ANKRD18B: variants seen among roughly 807,000 people sequenced by gnomAD.
The protein encoded by ANKRD18B is ankyrin repeat domain 18B, also known as ankyrin repeat domain-containing protein 18B.
In ANKRD18B, 75 loss-of-function variants were observed where a neutral mutation model predicts 111.8. The ratio of observed to expected loss-of-function variants is 0.67; its 90% CI spans 0.56 to 0.81. The LOEUF is 0.81. Ranked by LOEUF, ANKRD18B falls within the 40% of genes least tolerant of loss-of-function variation. ANKRD18B has a pLI of 0.00. For missense variants in ANKRD18B, 1,038 were observed against 1,225.5 expected (o/e 0.85, Z 2.28); for synonymous variants, 356 against 417.3 (o/e 0.85, Z 1.79).
At chr9:33,570,293 A>C (rs1828750631) in intron 17 of ANKRD18B, among the ~76,000 whole-genome samples, 2 of 152,204 alleles carry the variant, frequency 1.3e-5, no homozygotes, top group South Asian at 4.1e-4. Flanking sequence ...CCAGGAAATA[A>C]GAATGGGGAG....
chr9:33,552,783 G>A (rs1325920885), intron 12 of ANKRD18B, among the ~76,000 whole-genome samples: 2 of 150,460 alleles, frequency 1.3e-5, no homozygotes, highest in Non-Finnish European at 3.0e-5. Context: ...AGCAAATATT[G>A]TCTGTAGCTC....
chr9:33,556,836 C>T (rs1199884115), intron 13 of ANKRD18B, among the ~76,000 whole-genome samples: 1 of 152,152 alleles, frequency 6.6e-6, no homozygotes, highest in Non-Finnish European at 1.5e-5. Context: ...GAAATTTACT[C>T]ATTTTACATG....
At chr9:33,564,256 C>A (rs1341973561) in intron 14 of ANKRD18B, among the ~76,000 whole-genome samples, 2 of 152,138 alleles carry the variant, frequency 1.3e-5, no homozygotes, top group African/African-American at 4.8e-5. Context: ...GCCATGTTGC[C>A]CAGCCCTCAA....
intron 11 of ANKRD18B, 105 bp downstream of exon 11, chr9:33,548,960 G>T: frequency 2.6e-6 from 3 of 1,138,354 alleles, no homozygotes; most frequent in Non-Finnish European, 3.6e-6. Flanking sequence ...ATGAAAATGT[G>T]TTTACCATTC....
intron 1 of ANKRD18B, among the ~76,000 whole-genome samples, chr9:33,527,803 T>A (rs1828048295): frequency 6.6e-6 from 1 of 152,160 alleles, no homozygotes; most frequent in African/African-American, 2.4e-5. Flanking sequence ...CCTCATGGAT[T>A]GTGTGATATC....
In ANKRD18B at chr9:33,564,431, G is replaced by T. The variant is rs544699027; in HGVS notation, c.2461-1788G>T. On this transcript the variant is annotated intron_variant, in intron 14 of 18. Transcript: ENST00000684830. ...TGTGTATGTGTACCACAATTTTTTT[G>T]TCCATTCATTTGTTGATGGACATGT... Among the ~76,000 whole-genome samples, 147 of 152,168 alleles carry T rather than the reference G, an allele frequency of 9.7e-4. 1 individual carries two copies. Among genetic ancestry groups the T allele is most frequent in the Admixed American group, 2.1e-3 (32 of 15,290 alleles).
Position 33,566,312 on chromosome 9 carries a change from A to G in ANKRD18B, c.2554A>G (p.Met852Val), listed in dbSNP as rs373114045. 1.9e-5 allele frequency: 30 copies of G among 1,562,682 alleles called. No homozygotes were observed. The highest frequency in any genetic ancestry group is 3.8e-5 in the Admixed American group (2 of 53,186). The change falls in exon 15 of 19, where the codon ATG becomes GTG. Residue 852 changes from methionine (M) to valine (V), a missense_variant. Met to Val is a conservative substitution (Grantham distance 21). Coordinates refer to ENST00000684830, the MANE Select transcript of ANKRD18B (RefSeq NM_001393611.1). ...AGTTCTTCATCAGGAGTTATTATCTATGGGAAAAGTACAAGAGAAATGTGA... is the reference window on the plus strand; with the variant it reads ...AGTTCTTCATCAGGAGTTATTATCTGTGGGAAAAGTACAAGAGAAATGTGA... ...NEVLHQELLS[M>V]GKVQEKCEKL... is the part of the protein sequence containing the mutation.
intron 10 of ANKRD18B, among the ~76,000 whole-genome samples, chr9:33,545,215 A>T (rs1375291877): frequency 1.3e-5 from 2 of 152,216 alleles, no homozygotes; most frequent in Admixed American, 6.5e-5. Context: ...TCTCACAGAG[A>T]TGAAGAAGAA....
intron 10 of ANKRD18B, among the ~76,000 whole-genome samples, chr9:33,545,876 A>G (rs931595581): frequency 6.6e-6 from 1 of 152,170 alleles, no homozygotes; most frequent in African/African-American, 2.4e-5. Flanking sequence ...GTATAGTTAC[A>G]GTGGGGTTAT....
chr9:33,548,448 T>C lies in ANKRD18B; in HGVS notation c.1660T>C (p.Phe554Leu), dbSNP rs1468910550. 6.4e-7 allele frequency: 1 copy of C among 1,551,234 alleles called. No individual in the cohort carries two copies. Among genetic ancestry groups the C allele is most frequent in the Admixed American group, 2.0e-5 (1 of 50,928 alleles). ...TEQVHKARVKFNTLKGKLRET... is the reference protein window; with the variant it reads ...TEQVHKARVKLNTLKGKLRET... ...ACAGGTCCATAAAGCTCGGGTGAAGTTCAATACCTTAAAAGGTAAGCTCCG... is the reference window on the plus strand; with the variant it reads ...ACAGGTCCATAAAGCTCGGGTGAAGCTCAATACCTTAAAAGGTAAGCTCCG... The change falls in exon 11 of 19, where the codon TTC becomes CTC. Residue 554 changes from phenylalanine to leucine, a missense_variant. Physicochemically the swap from Phe to Leu is conservative, Grantham distance 22. This residue lies in a region of ANKRD18B where 524 missense variants were observed against 677.9 expected (regional missense o/e 0.77). Coordinates refer to ENST00000684830, the MANE Select transcript of ANKRD18B (RefSeq NM_001393611.1).
At chr9:33,556,073 T>A (rs1480207148) in intron 13 of ANKRD18B, among the ~76,000 whole-genome samples, 2 of 152,078 alleles carry the variant, frequency 1.3e-5, no homozygotes, top group African/African-American at 4.8e-5. Flanking sequence ...CAATAAGTGA[T>A]GAAAAATAGA....
intron 3 of ANKRD18B, among the ~76,000 whole-genome samples, chr9:33,531,478 A>G (rs1166896705): frequency 6.6e-6 from 1 of 151,766 alleles, no homozygotes; most frequent in Non-Finnish European, 1.5e-5. Context: ...GGACTCATGC[A>G]GAAGTCTGGA....
rs756576173 is a variant in ANKRD18B, at chr9:33,572,380, T to A, written c.3288T>A (p.His1096Gln). ...CTCTAGAATCCACTGGTAAGCCACA[T>A]CTAATGAAGAGAATATTTAACCATA... Reference protein sequence around the residue: ...LSSLESTGKPHLMKRIFNHKI... With the variant: ...LSSLESTGKPQLMKRIFNHKI... Residue 1096 changes from histidine to glutamine, a missense_variant, in exon 19 of 19, where the codon CAT (histidine) becomes CAA (glutamine). By Grantham distance (24) the His-to-Gln change is conservative. This residue lies in a region of ANKRD18B where 524 missense variants were observed against 677.9 expected (regional missense o/e 0.77). Transcript: ENST00000684830. 4 of 1,607,470 alleles carry A rather than the reference T, an allele frequency of 2.5e-6. No homozygotes were observed. The highest frequency in any genetic ancestry group is 2.5e-6 in the Non-Finnish European group (3 of 1,177,026).
chr9:33,533,481 C>A lies in ANKRD18B; in HGVS notation c.538C>A (p.Gln180Lys). The change falls in exon 4 of 19, where the codon CAG becomes AAG. Residue 180 changes from glutamine to lysine, a missense_variant. By Grantham distance (53) the Gln-to-Lys change is moderately conservative. Around this residue, in one of 4 missense-constraint regions of ANKRD18B, gnomAD observed 93 missense variants for 141.3 expected, o/e 0.66. Transcript: ENST00000684830. ...PLLFAINSRRQHMVEFLLKNQ... is the reference protein window; with the variant it reads ...PLLFAINSRRKHMVEFLLKNQ... ...TTTGTTTGCTATAAATTCCAGGAGA[C>A]AGCATATGGTGGAATTTTTATTGAA... The A allele has an allele frequency of 6.5e-7, 1 of 1,534,500 alleles. No homozygotes were observed. The highest frequency in any genetic ancestry group is 1.2e-5 in the South Asian group (1 of 80,602).
At chr9:33,536,978 C>T in intron 6 of ANKRD18B, 33 bp downstream of exon 6, 1 of 1,421,512 alleles carries the variant, frequency 7.0e-7, no homozygotes, top group Non-Finnish European at 9.4e-7. Flanking sequence ...TCTCATTTCC[C>T]TTGGTGATCT....
chr9:33,559,616 T>C (rs1188855748), intron 14 of ANKRD18B, among the ~76,000 whole-genome samples: 1 of 152,146 alleles, frequency 6.6e-6, no homozygotes, highest in African/African-American at 2.4e-5. Flanking sequence ...AGATTTTTCA[T>C]TTAATTTTAC....
At chr9:33,568,078 C>G (rs1345189518) in intron 16 of ANKRD18B, among the ~76,000 whole-genome samples, 4 of 152,202 alleles carry the variant, frequency 2.6e-5, no homozygotes, top group Non-Finnish European at 5.9e-5. Context: ...GGAGTTGTTG[C>G]TCTGAGTTAT....
Position 33,529,038 on chromosome 9 carries a change from C to G in ANKRD18B, c.360C>G (p.Leu120=). 1 of 1,612,364 alleles carries G rather than the reference C, an allele frequency of 6.2e-7. No homozygotes were observed. ...AGGAAGAGGCTTGTGCCATTATTCT[C>G]CTGAAACGTGGCGCCAATCCAAACA... ...HCQEEACAII[L]LKRGANPNIK... Residue 120 remains leucine (L), a synonymous_variant, in exon 3 of 19, where the codon CTC becomes CTG. Coordinates refer to ENST00000684830, the MANE Select transcript of ANKRD18B (RefSeq NM_001393611.1).
chr9:33,570,304 G>T (rs1828750819), intron 17 of ANKRD18B, among the ~76,000 whole-genome samples: 1 of 152,094 alleles, frequency 6.6e-6, no homozygotes, highest in African/African-American at 2.4e-5. Context: ...GAATGGGGAG[G>T]GACAGAGTGG....
Sources: gnomAD v4.1 joint callset for allele counts (sites outside exome capture counted in the v4.1 genomes callset) on GRCh38, gnomAD v4.1.1 for gene constraint, gnomAD v4.1.1 regional missense constraint, MANE v1.5 for transcripts, NCBI Gene and HGNC (gene_info 2026-07-23, HGNC 2026-07-21) for gene names.